The following KMT2C variants were observed in gnomAD, a reference collection of about 807,000 sequenced individuals.
KMT2C encodes the protein lysine methyltransferase 2C.
A neutral mutation model predicts 507.9 loss-of-function variants in KMT2C; 88 were observed. The ratio of observed to expected loss-of-function variants is 0.17; its 90% CI spans 0.15 to 0.21. The LOEUF is 0.21. KMT2C is among the 10% of genes least tolerant of loss of function. KMT2C has a pLI of 1.00. For missense variants in KMT2C, 4,954 were observed against 5,957.8 expected (o/e 0.83, Z 5.55); for synonymous variants, 2,049 against 2,080.8 (o/e 0.98, Z 0.42).
intron 52 of KMT2C, among the ~76,000 whole-genome samples, chr7:152,147,337 T>A (rs1191953918): frequency 1.3e-5 from 2 of 152,096 alleles, no homozygotes; most frequent in Non-Finnish European, 2.9e-5. Flanking sequence ...TATGACAATG[T>A]ATACAGTATG....
At chr7:152,431,519 T>C (rs2097862123) in intron 1 of KMT2C, among the ~76,000 whole-genome samples, 1 of 149,220 alleles carries the variant, frequency 6.7e-6, no homozygotes, top group Admixed American at 6.8e-5. Context: ...GACAGGAGAA[T>C]CACTTGAACC....
intron 6 of KMT2C, among the ~76,000 whole-genome samples, chr7:152,293,272 G>A (rs1563753008): frequency 6.6e-6 from 1 of 152,170 alleles, no homozygotes; most frequent in Non-Finnish European, 1.5e-5. Flanking sequence ...GTGAAAAAAT[G>A]ATACTGGACC....
chr7:152,199,487 T>C (rs756705279), intron 26 of KMT2C, 28 bp from the exon 27 acceptor site: 5 of 1,432,644 alleles, frequency 3.5e-6, no homozygotes, highest in South Asian at 1.4e-5. Context: ...CATACAAAAA[T>C]GGTTAGAAAA....
chr7:152,292,757 G>T (rs924354912), intron 6 of KMT2C, among the ~76,000 whole-genome samples: 2 of 151,798 alleles, frequency 1.3e-5, no homozygotes, highest in Non-Finnish European at 2.9e-5. Context: ...TTCCCTTTTT[G>T]TCTTCCCAGC....
At chr7:152,325,438 G>A (rs1020120510) in intron 3 of KMT2C, among the ~76,000 whole-genome samples, 4 of 150,312 alleles carry the variant, frequency 2.7e-5, no homozygotes, top group East Asian at 2.0e-4. Context: ...ATGAGCCACC[G>A]CACCCGGCCC....
At chr7:152,288,603 T>C (rs1163537270) in intron 6 of KMT2C, among the ~76,000 whole-genome samples, 4 of 152,018 alleles carry the variant, frequency 2.6e-5, no homozygotes, top group Admixed American at 1.3e-4. Context: ...CTATAATAAG[T>C]GATGCAACAT....
intron 28 of KMT2C, among the ~76,000 whole-genome samples, chr7:152,195,112 T>C (rs1052304331): frequency 6.6e-6 from 1 of 152,174 alleles, no homozygotes; most frequent in Non-Finnish European, 1.5e-5. Context: ...TTTATAAAAT[T>C]GTAACATGCT....
In KMT2C at chr7:152,148,922, T is replaced by C. The variant is rs933025731; in HGVS notation, c.13005A>G (p.Leu4335=). The change falls in exon 52 of 59, where the codon CTA becomes CTG. Residue 4335 remains leucine, a synonymous_variant. Transcript: ENST00000262189. The surrounding 1 kb of genome is among the most constrained non-coding windows in gnomAD (Gnocchi z 7.1). ...CTTCAAACCCACCATGGACAGCTCT[T>C]AGCCGAGGCTTCAGCTTGACTGTCA... ...LKVTVKLKPR[L]RAVHGGFEDC... is the part of the protein sequence containing the mutation. The C allele has an allele frequency of 3.7e-6, 6 of 1,613,172 alleles. 1 individual carries two copies. The Admixed American group carries it at 5.0e-5, about 13-fold the overall frequency.
chr7:152,427,355 T>C (rs2097828921), intron 1 of KMT2C, among the ~76,000 whole-genome samples: 1 of 152,172 alleles, frequency 6.6e-6, no homozygotes, highest in Admixed American at 6.6e-5. Flanking sequence ...CCAATCTTTT[T>C]ATATGCACAA....
At chr7:152,334,534 A>T (rs1189400272) in intron 2 of KMT2C, among the ~76,000 whole-genome samples, 1 of 152,240 alleles carries the variant, frequency 6.6e-6, no homozygotes, top group East Asian at 1.9e-4. Context: ...AGTAGGACAC[A>T]TAACTGCTCA....
chr7:152,384,882 A>G (rs2097409238), intron 1 of KMT2C, among the ~76,000 whole-genome samples: 1 of 152,310 alleles, frequency 6.6e-6, no homozygotes, highest in Non-Finnish European at 1.5e-5. Context: ...TTTTTATAAA[A>G]CAGTATTCCA....
chr7:152,365,033 A>G (rs769336007), intron 1 of KMT2C, among the ~76,000 whole-genome samples: 73 of 152,200 alleles, frequency 4.8e-4, no homozygotes, highest in Non-Finnish European at 1.9e-4. Context: ...AAATATTAAA[A>G]GCAGCAAAAG....
Position 152,433,143 on chromosome 7 carries a change from G to A in KMT2C, c.161+2483C>T, listed in dbSNP as rs1275676155. ...AGCCTGGGCTACAGAGCAAGACTTCGTCCAGAAAAAAAAAAAAAAGGCATC... is the reference window on the plus strand; with the variant it reads ...AGCCTGGGCTACAGAGCAAGACTTCATCCAGAAAAAAAAAAAAAAGGCATC... On this transcript the variant is annotated intron_variant, in intron 1 of 58. Transcript: ENST00000262189. 2.1e-5 allele frequency among the ~76,000 whole-genome samples: 3 copies of A among 145,426 alleles called. No homozygotes were observed. The East Asian group carries it at 6.1e-4, about 30-fold the overall frequency.
Position 152,269,094 on chromosome 7 carries a change from T to C in KMT2C, c.1013-3885A>G, listed in dbSNP as rs112259176. Reference sequence around the variant, plus strand: ...AGAAAAATTACTTATGTTGCTCACATTGTATTTATACTGCACAGCACTGTT... The same window carrying C: ...AGAAAAATTACTTATGTTGCTCACACTGTATTTATACTGCACAGCACTGTT... On this transcript the variant is annotated intron_variant, in intron 7 of 58. Coordinates refer to ENST00000262189, the MANE Select transcript of KMT2C (RefSeq NM_170606.3). Among the ~76,000 whole-genome samples, 1,432 of 152,342 alleles carry C rather than the reference T, an allele frequency of 9.4e-3. 25 individuals are homozygous for C. The highest frequency in any genetic ancestry group is 0.033 in the African/African-American group (1,377 of 41,576).
At chr7:152,305,454 G>A (rs1031400066) in intron 6 of KMT2C, among the ~76,000 whole-genome samples, 5 of 152,190 alleles carry the variant, frequency 3.3e-5, no homozygotes, top group African/African-American at 1.2e-4. Context: ...CAGCATGGCT[G>A]AAGGAAGTAA....
At chr7:152,156,440 A>C in intron 44 of KMT2C, 94 bp from the exon 45 acceptor site, 2 of 1,470,666 alleles carry the variant, frequency 1.4e-6, no homozygotes, top group Non-Finnish European at 1.8e-6. Context: ...TGCACATAGA[A>C]GCAAGGCTAC....
intron 6 of KMT2C, among the ~76,000 whole-genome samples, chr7:152,294,522 G>T (rs934674315): frequency 1.3e-5 from 2 of 152,046 alleles, no homozygotes; most frequent in African/African-American, 2.4e-5. Flanking sequence ...CCAGCTATGT[G>T]GGAGGCTGAG....
intron 44 of KMT2C, among the ~76,000 whole-genome samples, chr7:152,156,973 T>TACC (rs1439330748): frequency 6.6e-6 from 1 of 152,224 alleles, no homozygotes; most frequent in Admixed American, 6.5e-5. Flanking sequence ...ACTTGGAATC[T>TACC]ACCAATAACA....
chr7:152,285,545 A>G lies in KMT2C; in HGVS notation c.850-11678T>C, dbSNP rs1563725243. Among the ~76,000 whole-genome samples, 4 of 152,284 alleles carry G rather than the reference A, an allele frequency of 2.6e-5. No individual in the cohort carries two copies. The East Asian group carries it at 5.8e-4, about 22-fold the overall frequency. ...ACAGCATAGGGACTAATATCAGAGTAACTTTCCTAAAATGTCTCAAATCTG... is the reference window on the plus strand; with the variant it reads ...ACAGCATAGGGACTAATATCAGAGTGACTTTCCTAAAATGTCTCAAATCTG... On this transcript the variant is annotated intron_variant, in intron 6 of 58. Transcript: ENST00000262189.
Sources: allele counts gnomAD v4.1 joint callset (sites outside exome capture counted in the v4.1 genomes callset), GRCh38; gene constraint gnomAD v4.1.1; non-coding constraint Gnocchi (gnomAD v3.1); transcripts MANE v1.5; gene names NCBI Gene and HGNC (gene_info 2026-07-23, HGNC 2026-07-21).